Variants in EML1 observed in about 807,000 individuals in gnomAD.
The protein encoded by EML1 is EMAP like 1, also known as echinoderm microtubule-associated protein-like 1.
Under a neutral mutation model 110.4 loss-of-function variants are expected in EML1, and 27 were observed. The observed-to-expected ratio is 0.24, with a 90% CI of 0.18 to 0.34. EML1 has a LOEUF of 0.34. EML1 is among the 10% of genes least tolerant of loss of function. The probability of loss-of-function intolerance (pLI) is 1.00; values close to 1 mark genes in which losing one functional copy is unlikely to be tolerated. For missense variants in EML1, 741 were observed against 1,030.9 expected (o/e 0.72, Z 3.85); for synonymous variants, 344 against 385.8 (o/e 0.89, Z 1.27).
rs149322250 is a variant in EML1 at position 99,829,257 on chromosome 14, C to T, written c.68-21596C>T. Among the ~76,000 whole-genome samples, 351 of 152,232 alleles carry T rather than the reference C, an allele frequency of 2.3e-3. 1 individual carries two copies. Among genetic ancestry groups the T allele is most frequent in the African/African-American group, 8.1e-3 (337 of 41,540 alleles). On this transcript the variant is annotated intron_variant, in intron 1 of 21. Coordinates refer to ENST00000262233, the MANE Select transcript of EML1 (RefSeq NM_004434.3). Reference sequence around the variant, plus strand: ...ATCCTTTCCTGTGTCATCCAGGGCCCCTCTCAGTGCCTCTGGAGGAGGCTC... The same window carrying T: ...ATCCTTTCCTGTGTCATCCAGGGCCTCTCTCAGTGCCTCTGGAGGAGGCTC...
intron 1 of EML1, among the ~76,000 whole-genome samples, chr14:99,826,035 G>T (rs967665949): frequency 9.9e-5 from 15 of 151,446 alleles, no homozygotes; most frequent in Admixed American, 9.9e-4. Flanking sequence ...GGCTTAATGT[G>T]AGTTCTTGTG....
chr14:99,849,519 GTGTGTGTGTGTA>G (rs1386808617), intron 1 of EML1, among the ~76,000 whole-genome samples: 8 of 134,618 alleles, frequency 5.9e-5, no homozygotes, highest in African/African-American at 1.9e-4. Flanking sequence ...GTGTGTGTGT[GTGTGTGTGTGTA>G]TATATATTTA....
At chr14:99,825,589 A>C (rs2058339018) in intron 1 of EML1, among the ~76,000 whole-genome samples, 1 of 152,032 alleles carries the variant, frequency 6.6e-6, no homozygotes, top group Non-Finnish European at 1.5e-5. Context: ...ACCTCTCTTC[A>C]ACCTCACCAC....
At chr14:99,843,454 A>C (rs1481046588) in intron 1 of EML1, among the ~76,000 whole-genome samples, 2 of 152,252 alleles carry the variant, frequency 1.3e-5, no homozygotes, top group African/African-American at 4.8e-5. Context: ...ACTTAATTAC[A>C]GCTTATATTT....
intron 6 of EML1, among the ~76,000 whole-genome samples, chr14:99,895,860 G>A (rs543634315): frequency 1.3e-5 from 2 of 151,756 alleles, no homozygotes; most frequent in South Asian, 4.2e-4. Flanking sequence ...GTCCAGCCTG[G>A]GTAACTTGGC....
intron 1 of EML1, among the ~76,000 whole-genome samples, chr14:99,777,324 C>A (rs2057493732): frequency 6.6e-6 from 1 of 152,228 alleles, no homozygotes; most frequent in Non-Finnish European, 1.5e-5. Context: ...CCCACGCCAT[C>A]CCTAGCGTTC....
intron 5 of EML1, among the ~76,000 whole-genome samples, chr14:99,892,432 T>TC (rs1432169488): frequency 6.6e-6 from 1 of 152,196 alleles, no homozygotes; most frequent in Non-Finnish European, 1.5e-5. Flanking sequence ...AATTTTTTTT[T>TC]CATCTATGTA....
chr14:99,931,005 T>TA (rs2060356670), intron 17 of EML1, among the ~76,000 whole-genome samples: 1 of 152,182 alleles, frequency 6.6e-6, no homozygotes. Flanking sequence ...ATCTGGCACT[T>TA]ACTCCGTCAC....
chr14:99,930,145 A>G (rs11160560), intron 17 of EML1, among the ~76,000 whole-genome samples: 114,600 of 152,178 alleles, frequency 0.75, 43,472 homozygotes, highest in African/African-American at 0.85. Flanking sequence ...GCTATTTTGC[A>G]AATCAAGGTT....
chr14:99,787,201 T>G (rs2057610065), intron 1 of EML1, among the ~76,000 whole-genome samples: 1 of 152,060 alleles, frequency 6.6e-6, no homozygotes, highest in East Asian at 1.9e-4. Context: ...AAGCTATATT[T>G]TATATTTTAA....
intron 1 of EML1, among the ~76,000 whole-genome samples, chr14:99,748,280 G>A (rs960221752): frequency 6.6e-6 from 1 of 152,194 alleles, no homozygotes; most frequent in Non-Finnish European, 1.5e-5. Flanking sequence ...CCTGGGATCC[G>A]GAGCTTGCCC....
chr14:99,788,746 C>T (rs1455082838), upstream of EML1, among the ~76,000 whole-genome samples: 1 of 152,162 alleles, frequency 6.6e-6, no homozygotes, highest in African/African-American at 2.4e-5. Flanking sequence ...GCTACCCACA[C>T]CACCATTCAT....
At chr14:99,840,782 T>C (rs2058619768) in intron 1 of EML1, among the ~76,000 whole-genome samples, 1 of 152,224 alleles carries the variant, frequency 6.6e-6, no homozygotes, top group Non-Finnish European at 1.5e-5. Flanking sequence ...GATACTGAGA[T>C]AATCACATGA....
At chr14:99,937,763 A>G (rs552770264) in intron 19 of EML1, 54 bp from the exon 20 acceptor site, 4 of 1,525,408 alleles carry the variant, frequency 2.6e-6, no homozygotes, top group Middle Eastern at 1.7e-4. Flanking sequence ...AGCCTTGCTT[A>G]GGGGAGGGGT....
At chr14:99,923,098 C>G (rs559999821) in intron 17 of EML1, among the ~76,000 whole-genome samples, 1 of 152,090 alleles carries the variant, frequency 6.6e-6, no homozygotes, top group Admixed American at 6.6e-5. Context: ...CACACCACCA[C>G]GTCTGGCTAA....
chr14:99,802,282 G>A (rs747150257), intron 1 of EML1, among the ~76,000 whole-genome samples: 23 of 152,166 alleles, frequency 1.5e-4, no homozygotes, highest in East Asian at 1.9e-4. Flanking sequence ...TGGGGACATG[G>A]TAAGGAGTTT....
At chr14:99,820,308 A>G (rs1189357350) in intron 1 of EML1, among the ~76,000 whole-genome samples, 2 of 152,182 alleles carry the variant, frequency 1.3e-5, no homozygotes, top group African/African-American at 2.4e-5. Flanking sequence ...CGTTGCTCTC[A>G]CTTGTAATCA....
chr14:99,811,511 A>G (rs1470499414), intron 1 of EML1, among the ~76,000 whole-genome samples: 1 of 151,654 alleles, frequency 6.6e-6, no homozygotes, highest in African/African-American at 2.4e-5. Flanking sequence ...AAATGTTACT[A>G]AGAAAATCAA....
At chr14:99,894,495 C>T in intron 5 of EML1, 134 bp from the exon 6 acceptor site, 4 of 1,093,938 alleles carry the variant, frequency 3.7e-6, no homozygotes, top group Non-Finnish European at 3.6e-6. Context: ...TACTTTTTTC[C>T]CTAGGATATC....
Sources: gnomAD v4.1 joint callset for allele counts (sites outside exome capture counted in the v4.1 genomes callset) on GRCh38, gnomAD v4.1.1 for gene constraint, MANE v1.5 for transcripts, NCBI Gene and HGNC (gene_info 2026-07-23, HGNC 2026-07-21) for gene names.